The following PXDNL variants were observed in gnomAD, a reference collection of about 807,000 sequenced individuals.
PXDNL encodes the protein peroxidasin like.
Under a neutral mutation model 150.8 loss-of-function variants are expected in PXDNL, and 145 were observed. The observed-to-expected ratio is 0.96, with a 90% CI of 0.84 to 1.10. The LOEUF (loss-of-function observed/expected upper bound fraction) is 1.10. Among genes scored for constraint, PXDNL ranks in the 50% least tolerant of loss-of-function variants. The probability of loss-of-function intolerance (pLI) is 0.00; values close to 1 mark genes in which losing one functional copy is unlikely to be tolerated. For missense variants in PXDNL, 2,087 were observed against 1,873.9 expected (o/e 1.11, Z -2.10); for synonymous variants, 757 against 725.7 (o/e 1.04, Z -0.69).
chr8:51,499,590 G>C (rs1040199641), intron 5 of PXDNL, 109 bp downstream of exon 5: 16 of 755,408 alleles, frequency 2.1e-5, no homozygotes, highest in Non-Finnish European at 3.5e-5. Context: ...TACAGGCTCT[G>C]CCTCTAAAGC....
intron 1 of PXDNL, among the ~76,000 whole-genome samples, chr8:51,782,856 T>A (rs956757680): frequency 6.6e-6 from 1 of 152,244 alleles, no homozygotes; most frequent in Admixed American, 6.5e-5. Context: ...GGCTTATGAA[T>A]GTCCTGAATA....
chr8:51,794,376 G>A (rs1057016660), intron 1 of PXDNL, among the ~76,000 whole-genome samples: 4 of 151,992 alleles, frequency 2.6e-5, no homozygotes, highest in Non-Finnish European at 4.4e-5. Flanking sequence ...GATTCTCCAA[G>A]GTCAAAATGA....
intron 17 of PXDNL, among the ~76,000 whole-genome samples, chr8:51,378,026 G>A (rs1312945592): frequency 1.3e-5 from 2 of 152,228 alleles, no homozygotes; most frequent in African/African-American, 4.8e-5. Flanking sequence ...TCTAGCTAAG[G>A]GATTGTAAAT....
intron 17 of PXDNL, among the ~76,000 whole-genome samples, chr8:51,387,877 A>T (rs958084073): frequency 2.0e-5 from 3 of 152,128 alleles, no homozygotes; most frequent in East Asian, 1.9e-4. Context: ...TCAGTTTTAT[A>T]TTCTGGACTT....
chr8:51,799,531 C>T (rs954715407), intron 1 of PXDNL, among the ~76,000 whole-genome samples: 1 of 152,162 alleles, frequency 6.6e-6, no homozygotes, highest in Admixed American at 6.5e-5. Context: ...GCCATGAGAG[C>T]TGTCTAGGAT....
At chr8:51,413,744 CAT>C (rs111981582) in intron 14 of PXDNL, among the ~76,000 whole-genome samples, 3 of 152,202 alleles carry the variant, frequency 2.0e-5, no homozygotes, top group African/African-American at 2.4e-5. Context: ...AGCTCTCTAA[CAT>C]GTGAAAATAC....
At chr8:51,795,932 G>A (rs145779024) in intron 1 of PXDNL, among the ~76,000 whole-genome samples, 4 of 152,256 alleles carry the variant, frequency 2.6e-5, no homozygotes, top group East Asian at 1.9e-4. Flanking sequence ...TCGTGCACCC[G>A]CAAATGATCA....
chr8:51,326,602 CTTAAT>C (rs1805500034), intron 21 of PXDNL, among the ~76,000 whole-genome samples: 2 of 152,150 alleles, frequency 1.3e-5, no homozygotes, highest in African/African-American at 4.8e-5. Flanking sequence ...AACATTTTTA[CTTAAT>C]TTATTCAAAC....
chr8:51,789,797 A>C (rs930324503), intron 1 of PXDNL, among the ~76,000 whole-genome samples: 4 of 152,162 alleles, frequency 2.6e-5, no homozygotes, highest in Non-Finnish European at 5.9e-5. Flanking sequence ...GCACACAAAG[A>C]AGCTTAGAGT....
chr8:51,427,263 A>G (rs1232789121), intron 12 of PXDNL, among the ~76,000 whole-genome samples: 2 of 152,164 alleles, frequency 1.3e-5, no homozygotes, highest in African/African-American at 2.4e-5. Flanking sequence ...AACTCCCCAA[A>G]TAAGAAATCC....
At chr8:51,567,904 G>C (rs910100906) in intron 3 of PXDNL, among the ~76,000 whole-genome samples, 1 of 151,716 alleles carries the variant, frequency 6.6e-6, no homozygotes. Flanking sequence ...TTGTTGAACT[G>C]TTTAGAGAAT....
intron 7 of PXDNL, among the ~76,000 whole-genome samples, 192 bp downstream of exon 7, chr8:51,474,775 AATTTT>A (rs1293790482): frequency 3.9e-5 from 6 of 152,244 alleles, no homozygotes; most frequent in Non-Finnish European, 7.3e-5. Context: ...CTCAGCTCTT[AATTTT>A]ATGTTGATAA....
intron 17 of PXDNL, among the ~76,000 whole-genome samples, chr8:51,396,760 A>C (rs1808095226): frequency 6.6e-6 from 1 of 152,202 alleles, no homozygotes; most frequent in Non-Finnish European, 1.5e-5. Context: ...CTCCGTCTCA[A>C]AAATAACGGT....
intron 1 of PXDNL, among the ~76,000 whole-genome samples, chr8:51,805,370 A>G (rs2129266036): frequency 6.7e-6 from 1 of 148,274 alleles, no homozygotes; most frequent in East Asian, 1.9e-4. Context: ...TATAATTTAA[A>G]TTATAAAATT....
chr8:51,594,658 T>A (rs2130661579), intron 2 of PXDNL, among the ~76,000 whole-genome samples: 1 of 152,286 alleles, frequency 6.6e-6, no homozygotes, highest in East Asian at 1.9e-4. Flanking sequence ...AATCAACTCA[T>A]TAAAATGGTT....
chr8:51,367,095 T>A (rs1456615757), intron 19 of PXDNL, among the ~76,000 whole-genome samples: 1 of 87,048 alleles, frequency 1.1e-5, no homozygotes, highest in African/African-American at 4.5e-5. Flanking sequence ...GCAAGACTCT[T>A]GTCTCAAAAA....
At position 51,472,279 on chromosome 8, in the gene PXDNL, C is replaced by T. The variant is rs752441873; in HGVS notation, c.720G>A (p.Pro240=). 258 of 1,611,974 alleles carry T rather than the reference C, an allele frequency of 1.6e-4. No homozygotes were observed. Among genetic ancestry groups the T allele is most frequent in the Non-Finnish European group, 2.0e-4 (234 of 1,178,682 alleles). ...NCQSPRITFE[P]QDVEVPSGNT... ...TTCCTGATGGTACCTCCACATCCTG[C>T]GGCTCAAAAGTAATTCGGGGGCTCT... The change falls in exon 8 of 23, where the codon CCG becomes CCA. Residue 240 remains proline, a synonymous_variant. Coordinates refer to ENST00000356297, the MANE Select transcript of PXDNL (RefSeq NM_144651.5).
chr8:51,730,855 A>G (rs1159309353), intron 1 of PXDNL, among the ~76,000 whole-genome samples: 1 of 152,210 alleles, frequency 6.6e-6, no homozygotes, highest in African/African-American at 2.4e-5. Context: ...TGATACCATC[A>G]GATCTCATGA....
intron 17 of PXDNL, among the ~76,000 whole-genome samples, chr8:51,392,451 T>C (rs534253962): frequency 1.3e-5 from 2 of 152,326 alleles, no homozygotes; most frequent in South Asian, 2.1e-4. Flanking sequence ...AAGAGGTCCT[T>C]CACGTCCCTT....
Sources: allele counts gnomAD v4.1 joint callset (sites outside exome capture counted in the v4.1 genomes callset), GRCh38; gene constraint gnomAD v4.1.1; transcripts MANE v1.5; gene names NCBI Gene and HGNC (gene_info 2026-07-23, HGNC 2026-07-21).